Variants in SLC16A7 observed in about 807,000 individuals in gnomAD.
The protein encoded by SLC16A7 is solute carrier family 16 member 7.
In SLC16A7, 33 loss-of-function variants were observed where a neutral mutation model predicts 34.9. The observed-to-expected ratio is 0.94, with a 90% CI of 0.72 to 1.26. SLC16A7 has a LOEUF of 1.26. Among genes scored for constraint, SLC16A7 ranks in the 50% most tolerant of loss-of-function variants. The pLI is 0.00. For missense variants in SLC16A7, 573 were observed against 578.1 expected, an observed-to-expected ratio of 0.99 and a Z score of 0.09; for synonymous variants, 201 against 206.6, an observed-to-expected ratio of 0.97 and a Z score of 0.23.
In SLC16A7 at chr12:59,718,901, A is replaced by G. The variant is rs546577275; in HGVS notation, c.217+13883A>G. The stretch of plus-strand genomic sequence containing the variant: ...TTAGCCTATGGTACTTCTAGACACT[A>G]TCTAGATTAGATGTTTTAACATTTA... On this transcript the variant is annotated intron_variant, in intron 3 of 5. Coordinates refer to ENST00000547379, the MANE Select transcript of SLC16A7 (RefSeq NM_001270623.2). Among the ~76,000 whole-genome samples, 80 of 152,244 alleles carry G rather than the reference A, an allele frequency of 5.3e-4. 6 individuals are homozygous for G. The highest frequency in any genetic ancestry group is 1.8e-3 in the African/African-American group (75 of 41,574).
At chr12:59,724,823 A>T (rs1876041385) in intron 3 of SLC16A7, among the ~76,000 whole-genome samples, 1 of 152,036 alleles carries the variant, frequency 6.6e-6, no homozygotes, top group Admixed American at 6.6e-5. Flanking sequence ...ATTAGGATGT[A>T]TATGGAATTT....
chr12:59,718,613 G>A (rs542734369), intron 3 of SLC16A7, among the ~76,000 whole-genome samples: 32 of 152,186 alleles, frequency 2.1e-4, no homozygotes, highest in Admixed American at 4.6e-4. Flanking sequence ...AAAGAATAAC[G>A]TGGCTATCTG....
chr12:59,700,460 T>A (rs1263520448), intron 2 of SLC16A7, among the ~76,000 whole-genome samples: 1 of 149,454 alleles, frequency 6.7e-6, no homozygotes, highest in East Asian at 1.9e-4. Flanking sequence ...ATATAGAAAA[T>A]TTAATATATA....
intron 1 of SLC16A7, chr12:59,597,309 A>G (rs894513218): frequency 3.3e-5 from 5 of 151,596 alleles, no homozygotes; most frequent in African/African-American, 1.2e-4. Context: ...TTTCTCTACA[A>G]TTGTTTTTTG....
intron 2 of SLC16A7, among the ~76,000 whole-genome samples, chr12:59,704,206 AAAAAAAAAAAAAGAAAAAG>A (rs1873249426): frequency 6.8e-6 from 1 of 146,812 alleles, no homozygotes; most frequent in African/African-American, 2.5e-5. Flanking sequence ...TCTCAAAAAA[AAAAAAAAAAAAAGAAAAAG>A]AAAAAAAAAA....
intron 2 of SLC16A7, among the ~76,000 whole-genome samples, chr12:59,685,448 C>A (rs1033773823): frequency 6.6e-6 from 1 of 151,870 alleles, no homozygotes; most frequent in East Asian, 1.9e-4. Flanking sequence ...GGTGAATAGA[C>A]CTCACTGTTA....
In SLC16A7 at chr12:59,707,989, C is replaced by T. The variant is rs933842647; in HGVS notation, c.217+2971C>T. On this transcript the variant is annotated intron_variant, in intron 3 of 5. Transcript: ENST00000547379. The stretch of plus-strand genomic sequence containing the variant: ...TCCACTGTTGAATATAGATCTTACA[C>T]GTTTACATAGTTTGTTGGAAATAAC... 1.3e-4 allele frequency among the ~76,000 whole-genome samples: 20 copies of T among 152,174 alleles called. 2 individuals carry two copies. The Middle Eastern group carries it at 0.014, about 104-fold the overall frequency.
rs570083685 is a variant in SLC16A7 at position 59,596,730 on chromosome 12, G to T, written c.-130+494G>T. Among the ~76,000 whole-genome samples the T allele has an allele frequency of 6.6e-6, 1 of 152,028 alleles. No individual in the cohort carries two copies. Among genetic ancestry groups the T allele is most frequent in the Admixed American group, 6.5e-5 (1 of 15,282 alleles). ...ATTGCCGCAGAAGGTGGAGGCGGGG[G>T]TGGAGTGTGTGGAGAGAACGTCTTC... On this transcript the variant is annotated intron_variant, in intron 1 of 5. Coordinates refer to ENST00000547379, the MANE Select transcript of SLC16A7 (RefSeq NM_001270623.2). This position sits in a 1 kb window ranked among gnomAD's most constrained non-coding sequence, Gnocchi z 5.0.
chr12:59,712,614 A>T (rs1308035398), intron 3 of SLC16A7, among the ~76,000 whole-genome samples: 2 of 152,184 alleles, frequency 1.3e-5, no homozygotes, highest in African/African-American at 4.8e-5. Flanking sequence ...GAAACTACTG[A>T]TGTGTAGAAG....
At chr12:59,760,928 G>A (rs1041401649) in intron 3 of SLC16A7, among the ~76,000 whole-genome samples, 2 of 152,078 alleles carry the variant, frequency 1.3e-5, no homozygotes, top group African/African-American at 4.8e-5. Context: ...ATGAAGCAAG[G>A]AGCAGATTGG....
intron 3 of SLC16A7, among the ~76,000 whole-genome samples, chr12:59,748,594 T>C (rs1453091241): frequency 6.6e-6 from 1 of 152,212 alleles, no homozygotes; most frequent in Non-Finnish European, 1.5e-5. Flanking sequence ...AATTGCTTGA[T>C]ATGTACCATA....
intron 1 of SLC16A7, among the ~76,000 whole-genome samples, chr12:59,634,614 G>T (rs1236014092): frequency 6.6e-6 from 1 of 151,984 alleles, no homozygotes; most frequent in Non-Finnish European, 1.5e-5. Flanking sequence ...AGGATGAAGA[G>T]CCTGAGTAGA....
At chr12:59,608,072 T>C (rs1879024770) in intron 1 of SLC16A7, among the ~76,000 whole-genome samples, 1 of 152,222 alleles carries the variant, frequency 6.6e-6, no homozygotes, top group Non-Finnish European at 1.5e-5. Flanking sequence ...TAGCTCTTAG[T>C]ACAAATGGTT....
Position 59,778,196 on chromosome 12 carries a change from A to G in SLC16A7, c.1181-1227A>G, listed in dbSNP as rs147933060. ...TGGGCCATGGACCTAATGCTTTTAT[A>G]TTTAGAAGTATAATAATCATTGTAG... On this transcript the variant is annotated intron_variant, in intron 5 of 5. Coordinates refer to ENST00000547379, the MANE Select transcript of SLC16A7 (RefSeq NM_001270623.2). 1.1e-4 allele frequency among the ~76,000 whole-genome samples: 16 copies of G among 152,228 alleles called. No homozygotes were observed. In the East Asian group the frequency reaches 3.1e-3, roughly 29 times the overall value.
intron 1 of SLC16A7, among the ~76,000 whole-genome samples, chr12:59,625,849 A>G (rs1879903912): frequency 6.6e-6 from 1 of 151,830 alleles, no homozygotes; most frequent in Non-Finnish European, 1.5e-5. Flanking sequence ...ACATGGAGGA[A>G]ATAAAAACAG....
chr12:59,631,513 C>T (rs1377016242), intron 1 of SLC16A7, among the ~76,000 whole-genome samples: 2 of 151,930 alleles, frequency 1.3e-5, no homozygotes, highest in Non-Finnish European at 2.9e-5. Flanking sequence ...ATTTATAACG[C>T]ATTGAGTATA....
At chr12:59,626,426 A>G (rs1879933949) in intron 1 of SLC16A7, among the ~76,000 whole-genome samples, 1 of 151,830 alleles carries the variant, frequency 6.6e-6, no homozygotes, top group Non-Finnish European at 1.5e-5. Flanking sequence ...GTCCTTTACA[A>G]TGAACCAGTG....
chr12:59,662,788 TC>T (rs1565635735), intron 2 of SLC16A7, among the ~76,000 whole-genome samples: 1 of 152,178 alleles, frequency 6.6e-6, no homozygotes, highest in Non-Finnish European at 1.5e-5. Context: ...GTCAGTTCAT[TC>T]TATTTGCTAT....
intron 3 of SLC16A7, chr12:59,719,591 A>G (rs548430927): frequency 4.6e-5 from 7 of 152,372 alleles, no homozygotes; most frequent in African/African-American, 1.4e-4. Flanking sequence ...AAAGTATTAA[A>G]TATATATTTT....
Sources: gnomAD v4.1 joint callset for allele counts (sites outside exome capture counted in the v4.1 genomes callset) on GRCh38, gnomAD v4.1.1 for gene constraint, Gnocchi (gnomAD v3.1) non-coding constraint, MANE v1.5 for transcripts, NCBI Gene and HGNC (gene_info 2026-07-23, HGNC 2026-07-21) for gene names.